The following BIRC6 variants were observed in gnomAD, a reference collection of about 807,000 sequenced individuals.
BIRC6 encodes the protein dual E2 ubiquitin-conjugating enzyme/E3 ubiquitin-protein ligase BIRC6.
A neutral mutation model predicts 503.3 loss-of-function variants in BIRC6; 98 were observed. That is an observed-to-expected ratio of 0.19 (90% confidence interval 0.17 to 0.23). The LOEUF is 0.23. Ranked by LOEUF, BIRC6 falls within the 10% of genes least tolerant of loss-of-function variation. The probability of loss-of-function intolerance (pLI) is 1.00; values close to 1 mark genes in which losing one functional copy is unlikely to be tolerated. For synonymous variants in BIRC6, 2,240 were observed against 2,078.7 expected, an observed-to-expected ratio of 1.08 and a Z score of -2.11; for missense variants, 5,360 against 5,806.0, an observed-to-expected ratio of 0.92 and a Z score of 2.50.
chr2:32,396,924 C>T (rs1048687575), intron 6 of BIRC6, among the ~76,000 whole-genome samples: 3 of 151,978 alleles, frequency 2.0e-5, no homozygotes, highest in African/African-American at 4.8e-5. Context: ...GACGGGGTTT[C>T]GCCATGTTTG....
At chr2:32,461,424 T>G (rs567071451) in intron 23 of BIRC6, among the ~76,000 whole-genome samples, 2 of 150,722 alleles carry the variant, frequency 1.3e-5, no homozygotes, top group African/African-American at 4.9e-5. Context: ...CAAGCTGGTC[T>G]TGAACTACTT....
intron 45 of BIRC6, among the ~76,000 whole-genome samples, chr2:32,494,626 G>A (rs1033697093): frequency 1.2e-4 from 18 of 151,984 alleles, no homozygotes; most frequent in African/African-American, 3.4e-4. Flanking sequence ...ATAGGGCTGG[G>A]CTCAGTGGCT....
At chr2:32,383,277 G>A (rs938784081) in intron 3 of BIRC6, among the ~76,000 whole-genome samples, 10 of 151,450 alleles carry the variant, frequency 6.6e-5, no homozygotes, top group South Asian at 2.1e-4. Flanking sequence ...ACTCCTGACC[G>A]TGTGATCTGC....
intron 32 of BIRC6, 156 bp from the exon 33 acceptor site, chr2:32,472,956 C>G (rs2049272060): frequency 3.3e-6 from 2 of 601,718 alleles, no homozygotes; most frequent in Admixed American, 3.7e-5. Flanking sequence ...TTTATAGAAT[C>G]AGATCTTCTA....
At chr2:32,525,134 A>G (rs532248963) in intron 58 of BIRC6, 115 bp downstream of exon 58, 1 of 961,968 alleles carries the variant, frequency 1.0e-6, no homozygotes, top group Admixed American at 3.7e-5. Context: ...GCTGACTCGT[A>G]ATGATGTTTT....
rs1199050697 is a variant in BIRC6 at position 32,487,515 on chromosome 2, T to C, written c.7814-132T>C. The C allele has an allele frequency of 1.5e-5, 10 of 678,460 alleles. No homozygotes were observed. In the Admixed American group the frequency reaches 3.5e-4, roughly 24 times the overall value. The allele number at this position is 678,460 out of a possible 1,614,324, so 42.0% of individuals were successfully genotyped here. The stretch of plus-strand genomic sequence containing the variant: ...AAACACGTTTTTCAAATACTAAATA[T>C]TGTTTTGAACCATTCTAAAGAATGC... On this transcript the variant is annotated intron_variant, in intron 40 of 73. Coordinates refer to ENST00000421745, the MANE Select transcript of BIRC6 (RefSeq NM_016252.4).
At chr2:32,403,796 A>G (rs1390972610) in intron 8 of BIRC6, among the ~76,000 whole-genome samples, 1 of 152,150 alleles carries the variant, frequency 6.6e-6, no homozygotes, top group Admixed American at 6.6e-5. Flanking sequence ...TTATATAAAT[A>G]GTGCATGCTT....
chr2:32,429,081 A>C, intron 10 of BIRC6, 65 bp from the exon 11 acceptor site: 1 of 1,340,574 alleles, frequency 7.5e-7, no homozygotes, highest in South Asian at 1.4e-5. Flanking sequence ...CCTAAGTAGT[A>C]TTACATTTGA....
chr2:32,515,218 A>T lies in BIRC6; in HGVS notation c.10797A>T (p.Ala3599=). 1 of 1,613,950 alleles carries T rather than the reference A, an allele frequency of 6.2e-7. No individual in the cohort carries two copies. Among genetic ancestry groups the T allele is most frequent in the South Asian group, 1.1e-5 (1 of 91,086 alleles). ...SSSLTDDSKN[A]QAPLALTESH... is the part of the protein sequence containing the mutation. Reference sequence around the variant, plus strand: ...CTTTAACAGATGACTCTAAAAATGCACAAGCACCTCTCGCATTAACTGAAT... The same window carrying T: ...CTTTAACAGATGACTCTAAAAATGCTCAAGCACCTCTCGCATTAACTGAAT... The change falls in exon 55 of 74, where the codon GCA becomes GCT. Residue 3599 remains alanine (A), a synonymous_variant. Transcript: ENST00000421745.
At position 32,415,621 on chromosome 2, in the gene BIRC6, G is replaced by A. The variant is rs148513564; in HGVS notation, c.2330G>A (p.Cys777Tyr). 2.5e-6 allele frequency: 4 copies of A among 1,613,978 alleles called. No individual in the cohort carries two copies. The highest frequency in any genetic ancestry group is 3.4e-6 in the Non-Finnish European group (4 of 1,179,892). The change falls in exon 10 of 74, where the codon TGT becomes TAT. Residue 777 changes from cysteine to tyrosine, a missense_variant. Physicochemically the swap from Cys to Tyr is radical, Grantham distance 194. Coordinates refer to ENST00000421745, the MANE Select transcript of BIRC6 (RefSeq NM_016252.4). The stretch of plus-strand genomic sequence containing the variant: ...TTAAATAAATTAAACTCTGCACTAT[G>A]TAATAGACGGAAAGGTGAGCTGGAA... ...NNLNKLNSAL[C>Y]NRRKGELESN...
chr2:32,458,214 T>C (rs1330545492), intron 23 of BIRC6, among the ~76,000 whole-genome samples: 1 of 152,176 alleles, frequency 6.6e-6, no homozygotes, highest in East Asian at 1.9e-4. Flanking sequence ...TCTGCCCTTT[T>C]TTTGCTTTCA....
At chr2:32,431,178 TATC>T (rs147795752) in intron 12 of BIRC6, 88 bp downstream of exon 12, 6 of 453,886 alleles carry the variant, frequency 1.3e-5, no homozygotes, top group Admixed American at 8.7e-5. Context: ...TATTACTGTT[TATC>T]TTTTTTTTTT....
At chr2:32,483,116 C>A (rs1321860932) in intron 39 of BIRC6, among the ~76,000 whole-genome samples, 2 of 151,958 alleles carry the variant, frequency 1.3e-5, no homozygotes, top group Admixed American at 6.6e-5. Flanking sequence ...CAGGTTTCAC[C>A]ATGTTGGCCA....
intron 19 of BIRC6, 145 bp downstream of exon 19, chr2:32,442,600 A>C: frequency 9.3e-7 from 1 of 1,070,176 alleles, no homozygotes; most frequent in Non-Finnish European, 1.3e-6. Flanking sequence ...ATTGTTGATA[A>C]TCTTAGCAAG....
intron 65 of BIRC6, chr2:32,565,007 A>AATAAACGTTTCTT (rs2059435668): frequency 6.6e-6 from 1 of 152,188 alleles, no homozygotes; most frequent in Non-Finnish European, 1.5e-5. Context: ...CATTTTCTTG[A>AATAAACGTTTCTT]ATAAACGTTT....
intron 65 of BIRC6, among the ~76,000 whole-genome samples, chr2:32,550,441 T>C (rs1391592495): frequency 6.6e-6 from 1 of 152,174 alleles, no homozygotes; most frequent in Non-Finnish European, 1.5e-5. Flanking sequence ...AAGTATTAGA[T>C]TGATTTTTTT....
chr2:32,532,037 T>A, intron 61 of BIRC6: 1 of 504,042 alleles, frequency 2.0e-6, no homozygotes, highest in Non-Finnish European at 4.0e-6. Flanking sequence ...CATGCTCTTG[T>A]ATCAATCAGT....
intron 41 of BIRC6, 28 bp downstream of exon 41, chr2:32,487,829 T>C (rs1401805787): frequency 1.3e-6 from 2 of 1,568,474 alleles, no homozygotes; most frequent in Admixed American, 3.4e-5. Flanking sequence ...ATGGTGTATT[T>C]TTACATATTA....
chr2:32,565,090 C>G (rs2059440827), intron 65 of BIRC6: 1 of 152,226 alleles, frequency 6.6e-6, no homozygotes, highest in African/African-American at 2.4e-5. Flanking sequence ...AGAGTATGTA[C>G]CAGTTTCACT....
Sources: allele counts gnomAD v4.1 joint callset (sites outside exome capture counted in the v4.1 genomes callset), GRCh38; gene constraint gnomAD v4.1.1; transcripts MANE v1.5; gene names NCBI Gene and HGNC (gene_info 2026-07-23, HGNC 2026-07-21).